RIMS2: variants seen among roughly 807,000 people sequenced by gnomAD.
RIMS2 encodes regulating synaptic membrane exocytosis protein 2.
RIMS2 carries 59 observed loss-of-function variants against 174.4 expected under a neutral mutation model. The ratio of observed to expected loss-of-function variants is 0.34; its 90% CI spans 0.27 to 0.42. RIMS2 has a LOEUF of 0.42. Among genes scored for constraint, RIMS2 ranks in the 10% least tolerant of loss-of-function variants. RIMS2 has a pLI of 1.00. For missense variants in RIMS2, 1,620 were observed against 1,666.3 expected (o/e 0.97, Z 0.48); for synonymous variants, 606 against 572.5 (o/e 1.06, Z -0.84).
intron 19 of RIMS2, among the ~76,000 whole-genome samples, chr8:104,164,187 T>G (rs62508101): frequency 6.6e-6 from 1 of 151,918 alleles, no homozygotes; most frequent in African/African-American, 2.4e-5. Context: ...CCTGGAATTA[T>G]CTTTCCTGTG....
chr8:103,786,948 G>T (rs1171898335), intron 3 of RIMS2, among the ~76,000 whole-genome samples: 3 of 151,378 alleles, frequency 2.0e-5, no homozygotes, highest in Admixed American at 6.6e-5. Context: ...TATGAATCTG[G>T]GTGCTCCTAT....
chr8:103,523,542 T>C (rs1563632744), intron 1 of RIMS2, among the ~76,000 whole-genome samples: 1 of 152,150 alleles, frequency 6.6e-6, no homozygotes, highest in Non-Finnish European at 1.5e-5. Flanking sequence ...GGGACTTGTA[T>C]GACATGGCAA....
chr8:103,848,168 A>C (rs1395754025), intron 3 of RIMS2, among the ~76,000 whole-genome samples: 1 of 152,024 alleles, frequency 6.6e-6, no homozygotes, highest in Non-Finnish European at 1.5e-5. Flanking sequence ...TTTTTACACA[A>C]AATGGATAAC....
chr8:103,521,244 C>T (rs1021482224), intron 1 of RIMS2, among the ~76,000 whole-genome samples: 15 of 151,658 alleles, frequency 9.9e-5, no homozygotes, highest in African/African-American at 4.8e-5. Flanking sequence ...ATGTAACAAA[C>T]CTGCACATTG....
chr8:104,160,594 T>C (rs965133465), intron 19 of RIMS2, among the ~76,000 whole-genome samples: 1 of 152,248 alleles, frequency 6.6e-6, no homozygotes, highest in African/African-American at 2.4e-5. Context: ...GCGTTATCCC[T>C]TTCCAAACAT....
intron 1 of RIMS2, among the ~76,000 whole-genome samples, chr8:103,599,991 CT>C (rs1406310793): frequency 6.6e-6 from 1 of 152,092 alleles, no homozygotes; most frequent in African/African-American, 2.4e-5. Context: ...CTTACTCATT[CT>C]TTCAAACTAT....
intron 1 of RIMS2, among the ~76,000 whole-genome samples, chr8:103,535,511 A>C (rs1183371916): frequency 6.6e-6 from 1 of 152,208 alleles, no homozygotes; most frequent in Non-Finnish European, 1.5e-5. Flanking sequence ...TACAGCTAGA[A>C]GAACTGATTT....
chr8:103,574,713 A>G (rs28563855), intron 1 of RIMS2, among the ~76,000 whole-genome samples: 27,713 of 152,120 alleles, frequency 0.18, 2,770 homozygotes, highest in African/African-American at 0.26. Context: ...ATTTTCATGA[A>G]CTTTAGTAAT....
At chr8:103,604,151 A>C (rs2094920532) in intron 1 of RIMS2, among the ~76,000 whole-genome samples, 1 of 149,852 alleles carries the variant, frequency 6.7e-6, no homozygotes, top group East Asian at 1.9e-4. Flanking sequence ...TTAAGTCTTT[A>C]ATCCATCTTG....
At chr8:103,953,303 AT>A (rs2086025179) in intron 14 of RIMS2, among the ~76,000 whole-genome samples, 1 of 152,208 alleles carries the variant, frequency 6.6e-6, no homozygotes, top group African/African-American at 2.4e-5. Flanking sequence ...TAATTGTCAG[AT>A]TCACCAAGGT....
intron 1 of RIMS2, among the ~76,000 whole-genome samples, chr8:103,519,436 A>G (rs1342638233): frequency 6.6e-6 from 1 of 152,076 alleles, no homozygotes; most frequent in Non-Finnish European, 1.5e-5. Context: ...AATTTACCAT[A>G]TGTTTCAATA....
chr8:103,510,611 C>G (rs1405422120), intron 1 of RIMS2, among the ~76,000 whole-genome samples: 1 of 152,028 alleles, frequency 6.6e-6, no homozygotes, highest in Non-Finnish European at 1.5e-5. Context: ...CTGGTACTTG[C>G]ACATAACTTG....
chr8:104,140,159 T>C (rs535581412), intron 19 of RIMS2, among the ~76,000 whole-genome samples: 1 of 152,264 alleles, frequency 6.6e-6, no homozygotes, highest in Admixed American at 6.5e-5. Context: ...TTGAATTCAG[T>C]TTGCTATTTT....
chr8:104,175,548 T>C (rs1192234014), intron 19 of RIMS2, among the ~76,000 whole-genome samples: 2 of 152,200 alleles, frequency 1.3e-5, no homozygotes. Flanking sequence ...TTATTCATTC[T>C]GTTTTTGTAC....
chr8:103,543,578 G>A (rs553456897), intron 1 of RIMS2, among the ~76,000 whole-genome samples: 2 of 152,096 alleles, frequency 1.3e-5, no homozygotes, highest in South Asian at 4.2e-4. Context: ...ACAAAGCTGG[G>A]GCATAACAAT....
At position 104,118,237 on chromosome 8, in the gene RIMS2, A is replaced by C. The variant is rs147094176; in HGVS notation, c.3334+103622A>C. 1.8e-3 allele frequency among the ~76,000 whole-genome samples: 273 copies of C among 152,242 alleles called. 4 individuals carry two copies. The highest frequency in any genetic ancestry group is 0.01 in the Middle Eastern group (3 of 292). On this transcript the variant is annotated intron_variant, in intron 19 of 23. Coordinates refer to ENST00000504942, the Ensembl canonical transcript of RIMS2. ...GTGAGATATTCTTATTACATAAAGG[A>C]AGAACTTATAAGAAGTATATAAGAA...
At chr8:103,825,890 ATGAT>A (rs2098787367) in intron 3 of RIMS2, among the ~76,000 whole-genome samples, 1 of 152,138 alleles carries the variant, frequency 6.6e-6, no homozygotes, top group Admixed American at 6.5e-5. Flanking sequence ...CCCACCAACA[ATGAT>A]TGAAGATTTT....
intron 1 of RIMS2, among the ~76,000 whole-genome samples, chr8:103,666,876 C>T (rs1040670372): frequency 3.3e-5 from 5 of 152,070 alleles, no homozygotes; most frequent in South Asian, 2.1e-4. Flanking sequence ...CACAGTGTGT[C>T]GTTCATAGGT....
chr8:103,900,870 T>C (rs570925798), intron 4 of RIMS2, among the ~76,000 whole-genome samples: 2 of 152,202 alleles, frequency 1.3e-5, no homozygotes, highest in African/African-American at 4.8e-5. Flanking sequence ...AGTTTTGTCT[T>C]GTTATTGGGG....
Sources: allele counts gnomAD v4.1 joint callset (sites outside exome capture counted in the v4.1 genomes callset), GRCh38; gene constraint gnomAD v4.1.1; transcripts MANE v1.5; gene names NCBI Gene and HGNC (gene_info 2026-07-23, HGNC 2026-07-21).